LOXHD1: variants seen among roughly 807,000 people sequenced by gnomAD.
LOXHD1 encodes lipoxygenase homology PLAT domains 1, also known as lipoxygenase homology domain-containing protein 1.
In LOXHD1, 205 loss-of-function variants were observed where a neutral mutation model predicts 248.2. That is an observed-to-expected ratio of 0.83 (90% CI 0.74 to 0.93). The LOEUF is 0.93. LOXHD1 is among the 40% of genes least tolerant of loss of function. LOXHD1 has a pLI of 0.00. For synonymous variants in LOXHD1, 1,113 were observed against 1,162.8 expected (o/e 0.96, Z 0.87); for missense variants, 2,930 against 2,971.6 (o/e 0.99, Z 0.33).
Position 46,533,189 on chromosome 18 carries a change from A to G in LOXHD1, c.4348T>C (p.Tyr1450His). Reference protein sequence around the residue: ...YMKDGSLRQVYKEVEEPLDIV... With the variant: ...YMKDGSLRQVHKEVEEPLDIV... ...TCCAGAGGCTCTTCTACTTCCTTGT[A>G]GACTTGCCGTAAGGACCCATCTTTC... The change falls in exon 28 of 41, where the codon TAC becomes CAC. Residue 1450 changes from tyrosine to histidine, a missense_variant. By Grantham distance (83) the Tyr-to-His change is moderately conservative. Coordinates refer to ENST00000642948, the MANE Select transcript of LOXHD1 (RefSeq NM_001384474.1). 3 of 1,551,740 alleles carry G rather than the reference A, an allele frequency of 1.9e-6. No homozygotes were observed. Among genetic ancestry groups the G allele is most frequent in the Non-Finnish European group, 1.7e-6 (2 of 1,147,000 alleles).
chr18:46,518,322 A>C, intron 33 of LOXHD1, 66 bp from the exon 34 acceptor site: 1 of 1,517,226 alleles, frequency 6.6e-7, no homozygotes, highest in Non-Finnish European at 8.9e-7. Context: ...GACCTGCCTC[A>C]GTCTCACCAG....
intron 1 of LOXHD1, among the ~76,000 whole-genome samples, chr18:46,651,375 C>T (rs2039109163): frequency 6.6e-6 from 1 of 152,104 alleles, no homozygotes; most frequent in Non-Finnish European, 1.5e-5. Context: ...GATCAACCCC[C>T]GGAGCCCACT....
At chr18:46,638,213 GTGT>G (rs1334723496) in intron 4 of LOXHD1, among the ~76,000 whole-genome samples, 5 of 152,170 alleles carry the variant, frequency 3.3e-5, no homozygotes, top group Non-Finnish European at 5.9e-5. Context: ...AATGTCACCA[GTGT>G]TGTTTTTTCA....
chr18:46,546,166 G>A (rs1234047236), intron 22 of LOXHD1, among the ~76,000 whole-genome samples: 1 of 151,482 alleles, frequency 6.6e-6, no homozygotes, highest in Admixed American at 6.6e-5. Flanking sequence ...ATATTTCAGG[G>A]GAGCATCATA....
intron 7 of LOXHD1, among the ~76,000 whole-genome samples, chr18:46,603,540 C>T (rs1480777295): frequency 6.6e-6 from 1 of 152,130 alleles, no homozygotes; most frequent in East Asian, 1.9e-4. Context: ...CCATGACTGC[C>T]ATGCTGGGAG....
intron 13 of LOXHD1, among the ~76,000 whole-genome samples, chr18:46,579,141 G>A (rs2037913830): frequency 6.6e-6 from 1 of 152,228 alleles, no homozygotes. Flanking sequence ...CCATAGGGGA[G>A]AATGCCAAGT....
At chr18:46,522,348 G>A (rs758863468) in intron 31 of LOXHD1, 39 bp from the exon 32 acceptor site, 3 of 1,505,966 alleles carry the variant, frequency 2.0e-6, no homozygotes, top group Non-Finnish European at 2.7e-6. Flanking sequence ...TAACAGACCA[G>A]ATAGACAAGG....
chr18:46,558,019 G>C (rs1017979820), intron 20 of LOXHD1: 16 of 991,332 alleles, frequency 1.6e-5, no homozygotes, highest in Non-Finnish European at 1.8e-5. Flanking sequence ...TGCACACACT[G>C]CTCCATGCAC....
intron 6 of LOXHD1, among the ~76,000 whole-genome samples, chr18:46,605,726 C>T (rs551723474): frequency 8.6e-4 from 130 of 152,014 alleles, no homozygotes; most frequent in African/African-American, 2.9e-3. Flanking sequence ...GATGGGAGTT[C>T]GGTTATTACC....
chr18:46,559,301 T>G, intron 20 of LOXHD1, 147 bp downstream of exon 20: 1 of 1,544,182 alleles, frequency 6.5e-7, no homozygotes, highest in Non-Finnish European at 8.7e-7. Context: ...TCAGTGTTAC[T>G]GAAGAGGTAC....
At chr18:46,602,565 C>A (rs1469152031) in intron 7 of LOXHD1, among the ~76,000 whole-genome samples, 2 of 152,036 alleles carry the variant, frequency 1.3e-5, no homozygotes, top group African/African-American at 4.8e-5. Context: ...CTTGTTAATT[C>A]CCCTACCCAT....
In LOXHD1 at chr18:46,563,152, C is replaced by A; in HGVS notation, c.2511G>T (p.Gln837His). 6.5e-7 allele frequency: 1 copy of A among 1,543,186 alleles called. No homozygotes were observed. Among genetic ancestry groups the A allele is most frequent in the Non-Finnish European group, 8.8e-7 (1 of 1,139,758 alleles). ...GAGTSARVYM[Q>H]IYGEKGKTEV... The stretch of plus-strand genomic sequence containing the variant: ...CTGTCTTGCCTTTCTCTCCATAGAT[C>A]TGCATGTAGACTCGGGCACTGGTGC... The change falls in exon 18 of 41, where the codon CAG (glutamine) becomes CAT (histidine). Residue 837 changes from glutamine to histidine, a missense_variant. By Grantham distance (24) the Gln-to-His change is conservative. Coordinates refer to ENST00000642948, the MANE Select transcript of LOXHD1 (RefSeq NM_001384474.1).
In LOXHD1 at chr18:46,483,641, T is replaced by A; in HGVS notation, c.6287A>T (p.Glu2096Val). Residue 2096 changes from glutamate (E) to valine (V), a missense_variant, in exon 40 of 41, where the codon GAA (glutamate) becomes GTA (valine). Transcript: ENST00000642948. The part of the protein sequence containing the change: ...AREDRFIPKR[E>V]LAWHVKTITI... ...GATGGTCTTGACATGCCAGGCAAGT[T>A]CTCTCTTGGGGATAAACCGGTCTTC... 6.4e-7 allele frequency: 1 copy of A among 1,551,442 alleles called. No individual in the cohort carries two copies. The highest frequency in any genetic ancestry group is 8.7e-7 in the Non-Finnish European group (1 of 1,146,946).
chr18:46,478,478 G>T (rs1263442427), intron 40 of LOXHD1, among the ~76,000 whole-genome samples: 2 of 152,066 alleles, frequency 1.3e-5, no homozygotes, highest in Admixed American at 1.3e-4. Flanking sequence ...CTCCTAACTG[G>T]TCTTCTAGCT....
chr18:46,594,236 G>T, intron 9 of LOXHD1, 95 bp downstream of exon 9: 1 of 1,466,450 alleles, frequency 6.8e-7, no homozygotes, highest in Non-Finnish European at 9.2e-7. Flanking sequence ...AAGCAGGAGT[G>T]GACTGCCCTC....
At chr18:46,482,938 C>G (rs1393055008) in intron 40 of LOXHD1, among the ~76,000 whole-genome samples, 3 of 152,212 alleles carry the variant, frequency 2.0e-5, no homozygotes, top group African/African-American at 7.2e-5. Flanking sequence ...TTCTCAGCAC[C>G]TTTCCTGCCT....
intron 21 of LOXHD1, among the ~76,000 whole-genome samples, chr18:46,557,011 C>A (rs2037367351): frequency 6.6e-6 from 1 of 150,656 alleles, no homozygotes; most frequent in Admixed American, 6.6e-5. Context: ...GTCACCCAGT[C>A]CACCCTTACT....
At chr18:46,646,461 G>A (rs984162708) in intron 2 of LOXHD1, among the ~76,000 whole-genome samples, 4 of 152,104 alleles carry the variant, frequency 2.6e-5, no homozygotes, top group African/African-American at 9.7e-5. Context: ...CTCAGTTCTT[G>A]TCACAGCCAG....
At chr18:46,534,310 C>T (rs903152773) in intron 27 of LOXHD1, 25 bp downstream of exon 27, 1 of 1,503,804 alleles carries the variant, frequency 6.6e-7, no homozygotes, top group African/African-American at 1.4e-5. Flanking sequence ...AAAGAAACAG[C>T]AGGACAGACC....
Sources: allele counts gnomAD v4.1 joint callset (sites outside exome capture counted in the v4.1 genomes callset), GRCh38; gene constraint gnomAD v4.1.1; transcripts MANE v1.5; gene names NCBI Gene and HGNC (gene_info 2026-07-23, HGNC 2026-07-21).